The following RNF135 variants were observed in gnomAD, a reference collection of about 807,000 sequenced individuals.
RNF135 encodes the protein ring finger protein 135.
A neutral mutation model predicts 41.9 loss-of-function variants in RNF135; 46 were observed. The observed-to-expected ratio is 1.10, with a 90% CI of 0.87 to 1.40. The LOEUF is 1.40. Among genes scored for constraint, RNF135 ranks in the 40% most tolerant of loss-of-function variants. RNF135 has a pLI of 0.00. For missense variants in RNF135, 539 were observed against 549.8 expected (o/e 0.98, Z 0.20); for synonymous variants, 238 against 223.8 (o/e 1.06, Z -0.57).
At chr17:30,994,896 C>T (rs1908236280) in intron 3 of RNF135, among the ~76,000 whole-genome samples, 1 of 151,318 alleles carries the variant, frequency 6.6e-6, no homozygotes, top group Non-Finnish European at 1.5e-5. Flanking sequence ...TCTCGGCCTC[C>T]CAAAGTGCTG....
intron 1 of RNF135, among the ~76,000 whole-genome samples, chr17:30,980,851 C>G (rs1033908605): frequency 1.3e-5 from 2 of 150,192 alleles, no homozygotes; most frequent in South Asian, 2.1e-4. Context: ...GGATGGCGGC[C>G]GGGCAGAGAC....
chr17:30,969,715 A>G (rs1905722034), upstream of RNF135, among the ~76,000 whole-genome samples: 2 of 151,774 alleles, frequency 1.3e-5, no homozygotes, highest in South Asian at 2.1e-4. Context: ...AGTATTAGAA[A>G]TAACCACAAA....
chr17:30,983,882 T>C (rs565125558), intron 1 of RNF135, among the ~76,000 whole-genome samples: 1 of 152,162 alleles, frequency 6.6e-6, no homozygotes, highest in African/African-American at 2.4e-5. Context: ...ATGTGCTTAT[T>C]GGTGATTTGT....
At position 30,971,269 on chromosome 17, in the gene RNF135, G is replaced by A; in HGVS notation, c.196G>A (p.Ala66Thr). The A allele has an allele frequency of 6.6e-7, 1 of 1,524,264 alleles. No homozygotes were observed. Among genetic ancestry groups the A allele is most frequent in the Non-Finnish European group, 8.8e-7 (1 of 1,140,550 alleles). 94.4% of individuals were successfully genotyped at this position (1,524,264 alleles called of 1,614,324 possible). A position where few individuals can be genotyped will look rare whatever the true frequency, so the allele number is the denominator to read the frequency against. ...GGCCTGCCCCACTTGCCGCCAGGGCGCCGCGCAGCAGCCGCACCTGCGGAA... is the reference window on the plus strand; with the variant it reads ...GGCCTGCCCCACTTGCCGCCAGGGCACCGCGCAGCAGCCGCACCTGCGGAA... ...RWACPTCRQG[A>T]AQQPHLRKNT... The change falls in exon 1 of 5, where the codon GCC becomes ACC. Residue 66 changes from alanine to threonine, a missense_variant. Ala to Thr is a moderately conservative substitution (Grantham distance 58). This residue lies in a region of RNF135 where 277 missense variants were observed against 212.8 expected (regional missense o/e 1.30). Coordinates refer to ENST00000328381, the MANE Select transcript of RNF135 (RefSeq NM_032322.4).
chr17:30,986,328 C>A (rs1361712489), intron 2 of RNF135, among the ~76,000 whole-genome samples: 1 of 152,046 alleles, frequency 6.6e-6, no homozygotes, highest in Non-Finnish European at 1.5e-5. Context: ...TGCCGAGTAG[C>A]TGGGACTACA....
At chr17:30,981,811 C>T (rs1178662899) in intron 1 of RNF135, among the ~76,000 whole-genome samples, 2 of 152,246 alleles carry the variant, frequency 1.3e-5, no homozygotes, top group East Asian at 3.8e-4. Flanking sequence ...ACTAGAGGTA[C>T]CACCTTGGTG....
chr17:30,989,039 C>T (rs1226272069), intron 3 of RNF135, among the ~76,000 whole-genome samples: 5 of 144,234 alleles, frequency 3.5e-5, no homozygotes, highest in South Asian at 2.3e-4. Flanking sequence ...GGATTACAGG[C>T]GTGAGCCACT....
intron 1 of RNF135, chr17:30,979,325 C>T (rs1906776358): frequency 7.5e-6 from 1 of 132,712 alleles, no homozygotes; most frequent in Non-Finnish European, 1.6e-5. Flanking sequence ...GGCAGAGGCG[C>T]CCCTCACCTC....
In RNF135 at chr17:30,999,329, G is replaced by A. The variant is rs1417086480; in HGVS notation, c.*138G>A. ...GGATCTCACTAGGTTGCCCAGGCTG[G>A]TGTCGAATTCCTGGTCTCAAGCAGT... On this transcript the variant is annotated 3_prime_UTR_variant, in exon 5 of 5. Transcript: ENST00000328381. 7.2e-6 allele frequency: 7 copies of A among 968,800 alleles called. No individual in the cohort carries two copies. Among genetic ancestry groups the A allele is most frequent in the Non-Finnish European group, 9.4e-6 (6 of 641,102 alleles). 60.0% of individuals were successfully genotyped at this position (968,800 alleles called of 1,614,324 possible). A position where few individuals can be genotyped will look rare whatever the true frequency, so the allele number is the denominator to read the frequency against.
rs1187692273 is a variant in RNF135, at chr17:30,998,969, A to G, written c.1077A>G (p.Ala359=). The G allele has an allele frequency of 1.2e-6, 2 of 1,614,112 alleles. No individual in the cohort carries two copies. The highest frequency in any genetic ancestry group is 8.5e-7 in the Non-Finnish European group (1 of 1,179,994). ...GGAAGGGGACTAGCCAGCTCTCTGC[A>G]TGGCACATGGTCAAGGAAACTGTCC... ...VEWKGTSQLS[A]WHMVKETVLG... The change falls in exon 5 of 5, where the codon GCA becomes GCG. Residue 359 remains alanine (A), a synonymous_variant. Transcript: ENST00000328381.
intron 3 of RNF135, among the ~76,000 whole-genome samples, chr17:30,993,040 T>TTTATTATTATTA (rs58023443): frequency 0.013 from 1,928 of 146,270 alleles, 38 homozygotes; most frequent in African/African-American, 0.047. Flanking sequence ...GTTTTATTTG[T>TTTATTATTATTA]TTATTATTAT....
upstream of RNF135, chr17:30,970,890 C>T (rs541763234): frequency 1.2e-6 from 1 of 807,296 alleles, no homozygotes; most frequent in South Asian, 1.8e-5. Context: ...TCCAGCTGGG[C>T]ACTGGAGGCT....
intron 1 of RNF135, chr17:30,973,240 C>T (rs1429117793): frequency 6.6e-6 from 1 of 151,972 alleles, no homozygotes; most frequent in East Asian, 1.9e-4. Flanking sequence ...TTAGAGATTC[C>T]TTCTATATTC....
chr17:30,976,807 C>G (rs545883059), intron 1 of RNF135, among the ~76,000 whole-genome samples: 4 of 152,184 alleles, frequency 2.6e-5, no homozygotes, highest in South Asian at 4.1e-4. Flanking sequence ...TTTTCCATCC[C>G]TTTATTTTCA....
intron 1 of RNF135, chr17:30,971,978 G>A (rs947948577): frequency 6.5e-6 from 1 of 153,096 alleles, no homozygotes; most frequent in Non-Finnish European, 1.4e-5. Context: ...TTTTAGTAGA[G>A]ACGGGGTTTC....
Position 30,971,225 on chromosome 17 carries a change from C to G in RNF135, c.152C>G (p.Ala51Gly), listed in dbSNP as rs1198051112. The G allele has an allele frequency of 6.6e-7, 1 of 1,512,200 alleles. No homozygotes were observed. Among genetic ancestry groups the G allele is most frequent in the East Asian group, 2.6e-5 (1 of 38,242 alleles). The allele number at this position is 1,512,200 out of a possible 1,614,324, so 93.7% of individuals were successfully genotyped here. A position where few individuals can be genotyped will look rare whatever the true frequency, so the allele number is the denominator to read the frequency against. The change falls in exon 1 of 5, where the codon GCC becomes GGC. Residue 51 changes from alanine to glycine, a missense_variant. Transcript: ENST00000328381. ...CACTGCCTGGAGGCCCTGTGGGGCG[C>G]CCGCGACGCCCGCCGCTGGGCCTGC... ...CRHCLEALWG[A>G]RDARRWACPT...
At chr17:30,977,477 A>T (rs1906563896) in intron 1 of RNF135, among the ~76,000 whole-genome samples, 1 of 152,068 alleles carries the variant, frequency 6.6e-6, no homozygotes, top group Non-Finnish European at 1.5e-5. Flanking sequence ...GGGTTCAAGA[A>T]ATTCTCCTGT....
At chr17:30,980,856 A>G (rs959544655) in intron 1 of RNF135, among the ~76,000 whole-genome samples, 3 of 150,042 alleles carry the variant, frequency 2.0e-5, no homozygotes, top group Non-Finnish European at 3.0e-5. Flanking sequence ...GCGGCCGGGC[A>G]GAGACGCTCC....
intron 1 of RNF135, among the ~76,000 whole-genome samples, chr17:30,979,631 C>T (rs1265825480): frequency 3.8e-5 from 5 of 131,290 alleles, no homozygotes; most frequent in African/African-American, 1.5e-4. Flanking sequence ...CCCCTCACCT[C>T]CCGGACGGGG....
Sources: allele counts gnomAD v4.1 joint callset (sites outside exome capture counted in the v4.1 genomes callset), GRCh38; gene constraint gnomAD v4.1.1; regional missense constraint gnomAD v4.1.1; transcripts MANE v1.5; gene names NCBI Gene and HGNC (gene_info 2026-07-23, HGNC 2026-07-21).